Variants in RNF157 observed in about 807,000 individuals in gnomAD.
RNF157 encodes ring finger protein 157.
In RNF157, 55 loss-of-function variants were observed where a neutral mutation model predicts 88.3. The observed-to-expected ratio is 0.62, with a 90% confidence interval of 0.50 to 0.78. RNF157 has a LOEUF of 0.78. RNF157 is among the 30% of genes least tolerant of loss of function. RNF157 has a pLI of 0.00. For synonymous variants in RNF157, 334 were observed against 341.2 expected, an observed-to-expected ratio of 0.98 and a Z score of 0.23; for missense variants, 788 against 860.8, an observed-to-expected ratio of 0.92 and a Z score of 1.06.
At chr17:76,229,471 G>A (rs1257456876) in intron 1 of RNF157, among the ~76,000 whole-genome samples, 3 of 152,230 alleles carry the variant, frequency 2.0e-5, no homozygotes, top group African/African-American at 7.2e-5. Context: ...AGCTGGCTAA[G>A]CCCAGTGGGC....
intron 1 of RNF157, among the ~76,000 whole-genome samples, chr17:76,222,716 A>G (rs1008256550): frequency 6.6e-6 from 1 of 152,146 alleles, no homozygotes; most frequent in Non-Finnish European, 1.5e-5. Context: ...GAGAGATGCA[A>G]GGTTTGAACC....
In RNF157 at chr17:76,156,244, C is replaced by G. The variant is rs371050745; in HGVS notation, c.1491G>C (p.Gly497=). The G allele has an allele frequency of 1.2e-6, 2 of 1,613,978 alleles. No individual in the cohort carries two copies. Among genetic ancestry groups the G allele is most frequent in the Admixed American group, 1.7e-5 (1 of 60,000 alleles). Residue 497 remains glycine, a synonymous_variant, in exon 14 of 19, where the codon GGG becomes GGC. Transcript: ENST00000269391. ...SGAIDQSSCT[G]TPLSSTISSP... ...AGGAAATAGTGGATGACAGAGGCGT[C>G]CCTGTGCAAGACGACTGGTCAATAG...
intron 12 of RNF157, 23 bp from the exon 13 acceptor site, chr17:76,158,524 C>T (rs2068801340): frequency 6.7e-7 from 1 of 1,502,752 alleles, no homozygotes; most frequent in Non-Finnish European, 9.3e-7. Context: ...AGTGGAAAAG[C>T]AGCTATATCC....
intron 2 of RNF157, among the ~76,000 whole-genome samples, chr17:76,203,913 G>A (rs534527976): frequency 2.3e-4 from 35 of 151,536 alleles, no homozygotes; most frequent in Non-Finnish European, 4.4e-4. Flanking sequence ...GACTACAGGC[G>A]CCCGCCACCA....
chr17:76,204,599 C>G (rs1374492927), intron 2 of RNF157, among the ~76,000 whole-genome samples: 4 of 152,144 alleles, frequency 2.6e-5, no homozygotes, highest in Non-Finnish European at 4.4e-5. Context: ...TCTATAAGTG[C>G]AAAACTCTAT....
intron 2 of RNF157, among the ~76,000 whole-genome samples, chr17:76,185,765 G>T (rs1296498406): frequency 1.3e-5 from 2 of 152,060 alleles, no homozygotes; most frequent in East Asian, 3.9e-4. Context: ...CACCGCGCCC[G>T]GCCGAGATTA....
Position 76,158,493 on chromosome 17 carries a change from G to C in RNF157, c.1313C>G (p.Ser438Cys). 1 of 1,612,532 alleles carries C rather than the reference G, an allele frequency of 6.2e-7. No individual in the cohort carries two copies. Among genetic ancestry groups the C allele is most frequent in the Non-Finnish European group, 8.5e-7 (1 of 1,178,590 alleles). The change falls in exon 13 of 19, where the codon TCC becomes TGC. Residue 438 changes from serine to cysteine, a missense_variant. Physicochemically the swap from Ser to Cys is moderately radical, Grantham distance 112. Transcript: ENST00000269391. ...KLKKSLSKST[S>C]QNSSVLHEEE... ...TTCATGCAGCACGGAAGAGTTTTGG[G>C]AAGTGGATCTGTAGGAGTCCAGTGG... is the stretch of plus-strand genomic sequence containing the variant.
chr17:76,182,940 A>T (rs1423249464), intron 2 of RNF157, among the ~76,000 whole-genome samples: 12 of 151,000 alleles, frequency 7.9e-5, no homozygotes, highest in Non-Finnish European at 1.8e-4. Flanking sequence ...GATATTGTAT[A>T]CTTCTGTTGG....
intron 1 of RNF157, among the ~76,000 whole-genome samples, chr17:76,238,841 A>G (rs1289706659): frequency 6.6e-6 from 1 of 152,258 alleles, no homozygotes; most frequent in Non-Finnish European, 1.5e-5. Context: ...TTATTAAAAT[A>G]CTAACGACCC....
At chr17:76,237,637 A>C (rs893000730) in intron 1 of RNF157, among the ~76,000 whole-genome samples, 1 of 152,208 alleles carries the variant, frequency 6.6e-6, no homozygotes, top group Non-Finnish European at 1.5e-5. Flanking sequence ...TAGGAAGAAC[A>C]CTAACTGGCT....
intron 3 of RNF157, among the ~76,000 whole-genome samples, chr17:76,170,308 GCC>G (rs2068994592): frequency 6.6e-6 from 1 of 151,950 alleles, no homozygotes; most frequent in African/African-American, 2.4e-5. Flanking sequence ...ACTCATTGCA[GCC>G]TTGACCTCCC....
intron 2 of RNF157, among the ~76,000 whole-genome samples, chr17:76,203,094 G>A (rs1014777288): frequency 3.3e-4 from 50 of 151,196 alleles, no homozygotes; most frequent in African/African-American, 1.1e-3. Context: ...GGGTTCAAGC[G>A]ATTCTTATGC....
chr17:76,200,255 A>AC (rs1428388154), intron 2 of RNF157, among the ~76,000 whole-genome samples: 3 of 152,180 alleles, frequency 2.0e-5, no homozygotes, highest in Middle Eastern at 3.4e-3. Context: ...AAAAAAAAAA[A>AC]CAAAAACAAA....
At chr17:76,190,857 G>A (rs558874466) in intron 2 of RNF157, among the ~76,000 whole-genome samples, 2 of 145,386 alleles carry the variant, frequency 1.4e-5, no homozygotes, top group East Asian at 4.2e-4. Context: ...GCAGTGAGCC[G>A]AGATCGTGCC....
chr17:76,165,439 C>T (rs1476867484), intron 7 of RNF157, 63 bp downstream of exon 7: 2 of 1,552,466 alleles, frequency 1.3e-6, no homozygotes, highest in African/African-American at 2.7e-5. Context: ...AAACGGGTTA[C>T]ATGTGTCTCA....
At chr17:76,221,375 A>G (rs1246385253) in intron 1 of RNF157, among the ~76,000 whole-genome samples, 1 of 152,188 alleles carries the variant, frequency 6.6e-6, no homozygotes, top group Non-Finnish European at 1.5e-5. Context: ...TGCTGAAACC[A>G]GTTAACCACC....
chr17:76,205,153 T>C (rs2069659352), intron 2 of RNF157, among the ~76,000 whole-genome samples: 1 of 151,328 alleles, frequency 6.6e-6, no homozygotes, highest in Non-Finnish European at 1.5e-5. Context: ...TTCTTTTTTT[T>C]TTTTTGACAG....
In RNF157 at chr17:76,159,480, G is replaced by A; in HGVS notation, c.1159C>T (p.His387Tyr). Residue 387 changes from histidine to tyrosine, a missense_variant, in exon 12 of 19, where the codon CAC becomes TAC. Physicochemically the swap from His to Tyr is moderately conservative, Grantham distance 83 (BLOSUM62 2). Coordinates refer to ENST00000269391, the MANE Select transcript of RNF157 (RefSeq NM_052916.3). ...LTPSPAVPPL[H>Y]VLGDGHLSGM... is the part of the protein sequence containing the mutation. ...GAGAGGTGGCCATCTCCAAGCACGTGAAGTGGAGGAACTGCTGGGGACGGG... is the reference window on the plus strand; with the variant it reads ...GAGAGGTGGCCATCTCCAAGCACGTAAAGTGGAGGAACTGCTGGGGACGGG... The A allele has an allele frequency of 1.2e-6, 2 of 1,610,060 alleles. No homozygotes were observed. Among genetic ancestry groups the A allele is most frequent in the South Asian group, 1.1e-5 (1 of 89,878 alleles).
intron 2 of RNF157, among the ~76,000 whole-genome samples, chr17:76,198,258 T>C (rs1440862868): frequency 6.6e-6 from 1 of 152,024 alleles, no homozygotes; most frequent in Non-Finnish European, 1.5e-5. Context: ...CAAAGTTGGA[T>C]GAGGGAGAGC....
Sources: gnomAD v4.1 joint callset for allele counts (sites outside exome capture counted in the v4.1 genomes callset) on GRCh38, gnomAD v4.1.1 for gene constraint, MANE v1.5 for transcripts, NCBI Gene and HGNC (gene_info 2026-07-23, HGNC 2026-07-21) for gene names.